Variants in PPP1R3A observed in about 807,000 individuals in gnomAD.
The protein encoded by PPP1R3A is protein phosphatase 1 regulatory subunit 3A.
A neutral mutation model predicts 41.7 loss-of-function variants in PPP1R3A; 29 were observed. The observed-to-expected ratio is 0.70, with a 90% CI of 0.52 to 0.95. The LOEUF is 0.95. Among genes scored for constraint, PPP1R3A ranks in the 40% least tolerant of loss-of-function variants. PPP1R3A has a pLI of 0.00. For missense variants in PPP1R3A, 1,352 were observed against 1,292.4 expected (o/e 1.05, Z -0.71); for synonymous variants, 485 against 453.4 (o/e 1.07, Z -0.89).
chr7:113,886,882 T>C (rs1308370186), intron 1 of PPP1R3A, among the ~76,000 whole-genome samples: 1 of 152,134 alleles, frequency 6.6e-6, no homozygotes, highest in Non-Finnish European at 1.5e-5. Flanking sequence ...GAAGAAAGTA[T>C]ACTTTTGAAT....
At chr7:113,886,311 T>C (rs1328352867) in intron 1 of PPP1R3A, among the ~76,000 whole-genome samples, 1 of 152,028 alleles carries the variant, frequency 6.6e-6, no homozygotes, top group Non-Finnish European at 1.5e-5. Flanking sequence ...GGTGGGTCTT[T>C]TCTGCACCAT....
intron 1 of PPP1R3A, among the ~76,000 whole-genome samples, chr7:113,888,749 G>A (rs1164470711): frequency 6.6e-6 from 1 of 152,076 alleles, no homozygotes; most frequent in African/African-American, 2.4e-5. Context: ...GATTCCAGTC[G>A]TTCACTGAGG....
At chr7:113,911,110 C>T (rs950547943) in intron 1 of PPP1R3A, among the ~76,000 whole-genome samples, 16 of 152,010 alleles carry the variant, frequency 1.1e-4, no homozygotes, top group African/African-American at 3.1e-4. Context: ...GAATTTCCTA[C>T]GACAGGTTTG....
chr7:113,882,228 C>A, intron 2 of PPP1R3A, 34 bp downstream of exon 2: 1 of 1,575,418 alleles, frequency 6.3e-7, no homozygotes, highest in South Asian at 1.1e-5. Flanking sequence ...ACAAAAGAGA[C>A]AAATTTGGTT....
In PPP1R3A at chr7:113,878,805, C is replaced by A; in HGVS notation, c.2287G>T (p.Asp763Tyr). The A allele has an allele frequency of 1.2e-6, 2 of 1,613,604 alleles. No individual in the cohort carries two copies. Among genetic ancestry groups the A allele is most frequent in the Non-Finnish European group, 1.7e-6 (2 of 1,179,768 alleles). ...GTTTCCTTTACCTCGATGGGCCTGT[C>A]ACTTCGTGCTGTCTCTTGAGGTAGC... ...AKLPQETARS[D>Y]RPIEVKETAF... Residue 763 changes from aspartate (D) to tyrosine (Y), a missense_variant, in exon 4 of 4, where the codon GAC becomes TAC. Physicochemically the swap from Asp to Tyr is radical, Grantham distance 160. Transcript: ENST00000284601.
intron 1 of PPP1R3A, among the ~76,000 whole-genome samples, chr7:113,890,912 T>C (rs1183499423): frequency 6.6e-6 from 1 of 151,900 alleles, no homozygotes; most frequent in Non-Finnish European, 1.5e-5. Flanking sequence ...GACCTCATAC[T>C]TGGATTGTCT....
rs1162384772 is a variant in PPP1R3A at position 113,879,622 on chromosome 7, AT to A, written c.1469del (p.His490LeufsTer35). 5 of 1,613,176 alleles carry A rather than the reference AT, an allele frequency of 3.1e-6. No individual in the cohort carries two copies. The highest frequency in any genetic ancestry group is 4.2e-6 in the Non-Finnish European group (5 of 1,179,650). ...KDLGCLRRDF[H>X]SDTSACLKES... ...CTTTGAGACATGCCGACGTATCTGA[AT>A]GGAAATCTCTTCGTAAACATCCCAA... On this transcript the variant is annotated frameshift_variant, in exon 4 of 4. Transcript: ENST00000284601. LOFTEE classifies it low-confidence loss of function (END_TRUNC).
In PPP1R3A at chr7:113,918,709, C is replaced by T. The variant is rs111896635; in HGVS notation, c.288G>A (p.Thr96=). The T allele has an allele frequency of 2.4e-5, 39 of 1,613,640 alleles. No individual in the cohort carries two copies. The African/African-American group carries it at 4.9e-4, about 20-fold the overall frequency. Residue 96 remains threonine, a synonymous_variant, in exon 1 of 4, where the codon ACG becomes ACA. Coordinates refer to ENST00000284601, the MANE Select transcript of PPP1R3A (RefSeq NM_002711.4). ...CATATTCTTCTGTGTGGAAAATGTC[C>T]GTCCCTAAGTCAAAAGTGGTTGAAG... ...PSASTTFDLG[T]DIFHTEEYVL...
Position 113,877,418 on chromosome 7 carries a change from T to G in PPP1R3A, c.*305A>C, listed in dbSNP as rs1050110848. Reference sequence around the variant, plus strand: ...GAGAAATGAATGCAAGAAATAGCACTTTAAGTAGTGAAGAGATGTGAAGCA... The same window carrying G: ...GAGAAATGAATGCAAGAAATAGCACGTTAAGTAGTGAAGAGATGTGAAGCA... On this transcript the variant is annotated 3_prime_UTR_variant, in exon 4 of 4. Coordinates refer to ENST00000284601, the MANE Select transcript of PPP1R3A (RefSeq NM_002711.4). 3 of 239,864 alleles carry G rather than the reference T, an allele frequency of 1.3e-5. No individual in the cohort carries two copies. The highest frequency in any genetic ancestry group is 1.0e-4 in the Admixed American group (2 of 19,282). The allele number at this position is 239,864 out of a possible 1,614,324, so 14.9% of individuals were successfully genotyped here.
chr7:113,916,036 C>G (rs902529303), intron 1 of PPP1R3A, among the ~76,000 whole-genome samples: 2 of 152,016 alleles, frequency 1.3e-5, no homozygotes, highest in African/African-American at 4.8e-5. Context: ...TTCCTTTATA[C>G]ACTCCATTTT....
intron 1 of PPP1R3A, among the ~76,000 whole-genome samples, chr7:113,887,300 T>A (rs1422779827): frequency 6.6e-6 from 1 of 152,006 alleles, no homozygotes; most frequent in East Asian, 1.9e-4. Context: ...AATGGAACAA[T>A]ACTTTGTTTC....
At chr7:113,881,023 A>G (rs924370152) in intron 3 of PPP1R3A, among the ~76,000 whole-genome samples, 14 of 152,032 alleles carry the variant, frequency 9.2e-5, no homozygotes, top group African/African-American at 3.4e-4. Flanking sequence ...GCTCATCGTA[A>G]TGAGATGTAT....
rs1194871424 is a variant in PPP1R3A at position 113,918,695 on chromosome 7, G to T, written c.302C>A (p.Thr101Lys). Residue 101 changes from threonine (T) to lysine (K), a missense_variant, in exon 1 of 4, where the codon ACA becomes AAA. Transcript: ENST00000284601. ...CAGTGGGGCTAAAACATATTCTTCT[G>T]TGTGGAAAATGTCCGTCCCTAAGTC... ...TFDLGTDIFH[T>K]EEYVLAPLFD... is the part of the protein sequence containing the mutation. 6.2e-7 allele frequency: 1 copy of T among 1,613,596 alleles called. No homozygotes were observed. The highest frequency in any genetic ancestry group is 8.5e-7 in the Non-Finnish European group (1 of 1,179,854).
chr7:113,878,618 A>G lies in PPP1R3A; in HGVS notation c.2474T>C (p.Met825Thr). The G allele has an allele frequency of 6.2e-7, 1 of 1,613,492 alleles. No homozygotes were observed. The highest frequency in any genetic ancestry group is 1.7e-5 in the Admixed American group (1 of 59,904). Residue 825 changes from methionine to threonine, a missense_variant, in exon 4 of 4, where the codon ATG becomes ACG. Met to Thr is a moderately conservative substitution (Grantham distance 81, BLOSUM62 -1). Coordinates refer to ENST00000284601, the MANE Select transcript of PPP1R3A (RefSeq NM_002711.4). ...GTCATGTGTCTTCCTAGGATTGTAC[A>G]TAGACATGGTTTCTTCCTTCTCCAT... is the stretch of plus-strand genomic sequence containing the variant. ...DEMEKEETMS[M>T]YNPRKTHDRE... is the part of the protein sequence containing the mutation.
Position 113,882,151 on chromosome 7 carries a change from G to A in PPP1R3A, c.854C>T (p.Pro285Leu). ...GTCCTCATGAGAACAAATGATTGTTGGGATATAGGTATCTGAAAAGTTAAT... is the reference window on the plus strand; with the variant it reads ...GTCCTCATGAGAACAAATGATTGTTAGGATATAGGTATCTGAAAAGTTAAT... Reference protein sequence around the residue: ...ENPKNTDTYIPTIICSHEDKE... With the variant: ...ENPKNTDTYILTIICSHEDKE... Residue 285 changes from proline (P) to leucine (L), a missense_variant, in exon 3 of 4, where the codon CCA becomes CTA. Pro to Leu is a moderately conservative substitution (Grantham distance 98, BLOSUM62 -3). Coordinates refer to ENST00000284601, the MANE Select transcript of PPP1R3A (RefSeq NM_002711.4). 6.2e-7 allele frequency: 1 copy of A among 1,611,382 alleles called. No individual in the cohort carries two copies. The highest frequency in any genetic ancestry group is 8.5e-7 in the Non-Finnish European group (1 of 1,178,144).
chr7:113,912,833 T>C (rs890803356), intron 1 of PPP1R3A, among the ~76,000 whole-genome samples: 4 of 152,028 alleles, frequency 2.6e-5, no homozygotes, highest in African/African-American at 9.7e-5. Flanking sequence ...AGAGGATCCA[T>C]TTGAGGCATG....
At chr7:113,894,768 G>T (rs761986535) in intron 1 of PPP1R3A, among the ~76,000 whole-genome samples, 2 of 151,754 alleles carry the variant, frequency 1.3e-5, no homozygotes, top group African/African-American at 2.4e-5. Context: ...TTTCCTCCAC[G>T]GAATCTACAG....
At chr7:113,914,923 CTTAT>C (rs1797314247) in intron 1 of PPP1R3A, among the ~76,000 whole-genome samples, 1 of 151,928 alleles carries the variant, frequency 6.6e-6, no homozygotes, top group South Asian at 2.1e-4. Context: ...GCCATTTTAG[CTTAT>C]TTGTCTATGT....
intron 1 of PPP1R3A, 121 bp downstream of exon 1, chr7:113,918,094 G>GT: frequency 1.0e-6 from 1 of 982,938 alleles, no homozygotes; most frequent in East Asian, 2.5e-5. Context: ...TGGCACCATT[G>GT]TTTTTTACAT....
Sources: allele counts gnomAD v4.1 joint callset (sites outside exome capture counted in the v4.1 genomes callset), GRCh38; gene constraint gnomAD v4.1.1; transcripts MANE v1.5; gene names NCBI Gene and HGNC (gene_info 2026-07-23, HGNC 2026-07-21).